The following HS3ST4 variants were observed in gnomAD, a reference collection of about 807,000 sequenced individuals.
The protein encoded by HS3ST4 is heparan sulfate glucosamine 3-O-sulfotransferase 4.
Under a neutral mutation model 29.2 loss-of-function variants are expected in HS3ST4, and 17 were observed. The ratio of observed to expected loss-of-function variants is 0.58; its 90% CI spans 0.40 to 0.87. HS3ST4 has a LOEUF of 0.87. Among genes scored for constraint, HS3ST4 ranks in the 40% least tolerant of loss-of-function variants. The pLI, the probability that HS3ST4 is intolerant of heterozygous loss-of-function variation, is 0.00. For synonymous variants in HS3ST4, 314 were observed against 285.7 expected (o/e 1.10, Z -1.00); for missense variants, 627 against 634.5 (o/e 0.99, Z 0.13).
chr16:25,915,231 C>A (rs1298913982), intron 1 of HS3ST4, among the ~76,000 whole-genome samples: 1 of 152,160 alleles, frequency 6.6e-6, no homozygotes, highest in Non-Finnish European at 1.5e-5. Context: ...TATTCAGCAG[C>A]CCCCAAGACT....
At chr16:25,851,831 C>T (rs574037366) in intron 1 of HS3ST4, among the ~76,000 whole-genome samples, 4 of 150,116 alleles carry the variant, frequency 2.7e-5, no homozygotes, top group Non-Finnish European at 4.4e-5. Context: ...TCAATTTTGA[C>T]GGTGTTACGG....
At chr16:25,765,377 C>A (rs1036795803) in intron 1 of HS3ST4, among the ~76,000 whole-genome samples, 1 of 152,142 alleles carries the variant, frequency 6.6e-6, no homozygotes, top group African/African-American at 2.4e-5. Context: ...CGCCAGGAGC[C>A]GCTTGCCGCT....
chr16:26,017,512 G>C (rs980161905), intron 1 of HS3ST4, among the ~76,000 whole-genome samples: 1 of 152,204 alleles, frequency 6.6e-6, no homozygotes, highest in Non-Finnish European at 1.5e-5. Context: ...AGAGCTTCCA[G>C]AAATTGTTTG....
chr16:26,068,020 T>C (rs1171627792), intron 1 of HS3ST4, among the ~76,000 whole-genome samples: 2 of 152,220 alleles, frequency 1.3e-5, no homozygotes, highest in African/African-American at 2.4e-5. Flanking sequence ...TGGTTATGTC[T>C]TTATTAACAG....
chr16:25,856,773 C>T (rs962133085), intron 1 of HS3ST4, among the ~76,000 whole-genome samples: 1 of 152,160 alleles, frequency 6.6e-6, no homozygotes, highest in Non-Finnish European at 1.5e-5. Flanking sequence ...CTTTCAACCC[C>T]CATGCCTTAC....
At chr16:25,723,696 C>A (rs532264342) in intron 1 of HS3ST4, among the ~76,000 whole-genome samples, 1 of 152,208 alleles carries the variant, frequency 6.6e-6, no homozygotes, top group Non-Finnish European at 1.5e-5. Flanking sequence ...TTTTCTTCTT[C>A]AGCCTAGAAG....
chr16:26,093,026 C>A (rs1261418886), intron 1 of HS3ST4, among the ~76,000 whole-genome samples: 1 of 152,184 alleles, frequency 6.6e-6, no homozygotes, highest in Non-Finnish European at 1.5e-5. Context: ...AGGCGGCAGC[C>A]TGGCCGGGAG....
intron 1 of HS3ST4, among the ~76,000 whole-genome samples, chr16:26,018,354 A>G (rs1315500005): frequency 1.3e-5 from 2 of 152,318 alleles, no homozygotes; most frequent in East Asian, 1.9e-4. Context: ...ATTGGTCGGA[A>G]CTAACAGTAA....
At chr16:25,878,298 A>G (rs1263908144) in intron 1 of HS3ST4, among the ~76,000 whole-genome samples, 1 of 152,144 alleles carries the variant, frequency 6.6e-6, no homozygotes. Context: ...GCGATCTTCC[A>G]GGTCTTCCAG....
Position 25,925,911 on chromosome 16 carries a change from C to G in HS3ST4, c.735-209701C>G, listed in dbSNP as rs535530630. 3.2e-3 allele frequency among the ~76,000 whole-genome samples: 485 copies of G among 152,180 alleles called. 3 individuals are homozygous for G. The highest frequency in any genetic ancestry group is 3.5e-3 in the Non-Finnish European group (241 of 68,008). On this transcript the variant is annotated intron_variant, in intron 1 of 1. Coordinates refer to ENST00000331351, the MANE Select transcript of HS3ST4 (RefSeq NM_006040.3). ...TCCTTCTACCTGCAATGTTACTGAT[C>G]CCTATTAGGCAAGTTGTACTCCCTC... is the stretch of plus-strand genomic sequence containing the variant.
chr16:26,112,307 CT>C (rs758032757), intron 1 of HS3ST4, among the ~76,000 whole-genome samples: 13 of 148,766 alleles, frequency 8.7e-5, no homozygotes, highest in Non-Finnish European at 1.6e-4. Flanking sequence ...CTAAGATTAA[CT>C]TGGGTGATCA....
At chr16:26,087,799 A>G (rs935342374) in intron 1 of HS3ST4, among the ~76,000 whole-genome samples, 2 of 152,152 alleles carry the variant, frequency 1.3e-5, no homozygotes, top group South Asian at 2.1e-4. Flanking sequence ...TTGGTGCCCA[A>G]AAAGTTTTGG....
intron 1 of HS3ST4, among the ~76,000 whole-genome samples, chr16:26,105,575 G>T (rs180866222): frequency 1.6e-4 from 24 of 152,344 alleles, no homozygotes; most frequent in Middle Eastern, 3.4e-3. Context: ...TCCAGGCAGT[G>T]GCTCCCATTT....
At chr16:26,022,461 C>T (rs180785006) in intron 1 of HS3ST4, among the ~76,000 whole-genome samples, 16 of 152,194 alleles carry the variant, frequency 1.1e-4, no homozygotes, top group Admixed American at 3.3e-4. Context: ...ATCAAGGGCC[C>T]ACAGTCTTTT....
intron 1 of HS3ST4, among the ~76,000 whole-genome samples, chr16:25,903,273 C>G (rs867929190): frequency 2.2e-4 from 13 of 58,400 alleles, no homozygotes; most frequent in Non-Finnish European, 5.0e-4. Flanking sequence ...GAAGAATATA[C>G]GTGTGTGTGT....
chr16:25,979,720 A>G (rs73521550), intron 1 of HS3ST4, among the ~76,000 whole-genome samples: 4,595 of 152,236 alleles, frequency 0.03, 256 homozygotes, highest in African/African-American at 0.11. Context: ...TCATCCCGAA[A>G]CCATTCCTCA....
intron 1 of HS3ST4, among the ~76,000 whole-genome samples, chr16:25,970,594 C>A (rs1168388852): frequency 6.6e-6 from 1 of 152,026 alleles, no homozygotes; most frequent in African/African-American, 2.4e-5. Context: ...ACTGTAGCCT[C>A]AACCCCCTGG....
intron 1 of HS3ST4, among the ~76,000 whole-genome samples, chr16:25,819,423 T>A (rs772671469): frequency 5.5e-4 from 84 of 152,256 alleles, no homozygotes; most frequent in Non-Finnish European, 1.0e-3. Context: ...TTTCCATAGA[T>A]GAAATGCACT....
intron 1 of HS3ST4, among the ~76,000 whole-genome samples, chr16:25,737,219 G>A (rs1225292917): frequency 6.6e-6 from 1 of 152,206 alleles, no homozygotes; most frequent in East Asian, 1.9e-4. Context: ...GGATGCTGCT[G>A]GTTACGATGC....
Sources: allele counts gnomAD v4.1 joint callset (sites outside exome capture counted in the v4.1 genomes callset), GRCh38; gene constraint gnomAD v4.1.1; transcripts MANE v1.5; gene names NCBI Gene and HGNC (gene_info 2026-07-23, HGNC 2026-07-21).